The following NEGR1 variants were observed in gnomAD, a reference collection of about 807,000 sequenced individuals.
The protein encoded by NEGR1 is IgLON family member 4.
In NEGR1, 10 loss-of-function variants were observed where a neutral mutation model predicts 40.9. That is an observed-to-expected ratio of 0.24 (90% CI 0.15 to 0.42). The LOEUF is 0.42. Among genes scored for constraint, NEGR1 ranks in the 10% least tolerant of loss-of-function variants. The pLI, the probability that NEGR1 is intolerant of heterozygous loss-of-function variation, is 1.00. For synonymous variants in NEGR1, 185 were observed against 166.8 expected, an observed-to-expected ratio of 1.11 and a Z score of -0.84; for missense variants, 352 against 438.9, an observed-to-expected ratio of 0.80 and a Z score of 1.77.
intron 3 of NEGR1, among the ~76,000 whole-genome samples, chr1:71,705,739 A>T (rs1177066385): frequency 6.6e-6 from 1 of 151,928 alleles, no homozygotes; most frequent in Non-Finnish European, 1.5e-5. Context: ...AAGAAAAGAA[A>T]AGAAAGAAAA....
chr1:71,726,572 T>C (rs1204408327), intron 3 of NEGR1, among the ~76,000 whole-genome samples: 1 of 152,114 alleles, frequency 6.6e-6, no homozygotes, highest in African/African-American at 2.4e-5. Context: ...TCAAGAAGGT[T>C]CTCTCTACGT....
At chr1:71,873,113 T>C (rs1270567696) in intron 2 of NEGR1, among the ~76,000 whole-genome samples, 4 of 116,084 alleles carry the variant, frequency 3.4e-5, no homozygotes, top group African/African-American at 1.5e-4. Context: ...TCCCTAAAGA[T>C]GTAGCAAAAA....
intron 1 of NEGR1, among the ~76,000 whole-genome samples, chr1:71,961,054 T>A (rs1021817026): frequency 3.3e-5 from 5 of 152,190 alleles, no homozygotes; most frequent in African/African-American, 1.2e-4. Flanking sequence ...TTTTAACAAA[T>A]ACACTCACAG....
At chr1:71,580,360 T>C (rs189062985) in intron 6 of NEGR1, among the ~76,000 whole-genome samples, 32 of 151,636 alleles carry the variant, frequency 2.1e-4, no homozygotes, top group African/African-American at 5.8e-4. Context: ...TAATGCTAGA[T>C]GACGAGTTAG....
intron 1 of NEGR1, among the ~76,000 whole-genome samples, chr1:72,068,709 T>C (rs762921668): frequency 1.3e-5 from 2 of 152,216 alleles, no homozygotes; most frequent in Non-Finnish European, 2.9e-5. Context: ...GATTTTAATA[T>C]AATAGAGTAC....
intron 1 of NEGR1, among the ~76,000 whole-genome samples, chr1:72,046,610 C>G (rs970718602): frequency 3.3e-5 from 5 of 151,544 alleles, no homozygotes; most frequent in African/African-American, 1.2e-4. Flanking sequence ...TTATTTAAAT[C>G]TTTAGTTATT....
chr1:71,838,386 A>G lies in NEGR1; in HGVS notation c.410-62089T>C, dbSNP rs144739574. Among the ~76,000 whole-genome samples the G allele has an allele frequency of 2.2e-3, 338 of 152,268 alleles. 1 individual carries two copies. The highest frequency in any genetic ancestry group is 7.8e-3 in the African/African-American group (325 of 41,574). On this transcript the variant is annotated intron_variant, in intron 2 of 6. Coordinates refer to ENST00000357731, the MANE Select transcript of NEGR1 (RefSeq NM_173808.3). ...TTTTGGGAATTAATTATCAAATTAT[A>G]AATGATCTCTTTCTACAGAAAGATG... is the stretch of plus-strand genomic sequence containing the variant.
chr1:71,757,552 T>C (rs1013685635), intron 3 of NEGR1, among the ~76,000 whole-genome samples: 12 of 152,224 alleles, frequency 7.9e-5, no homozygotes, highest in Middle Eastern at 3.4e-3. Context: ...TCTTTTCTTT[T>C]GTTCTTAATT....
intron 2 of NEGR1, among the ~76,000 whole-genome samples, chr1:71,916,455 T>C (rs1661586766): frequency 6.6e-6 from 1 of 152,152 alleles, no homozygotes; most frequent in Non-Finnish European, 1.5e-5. Context: ...TTTAGAATCA[T>C]GAGATCAAAA....
intron 2 of NEGR1, among the ~76,000 whole-genome samples, chr1:71,830,789 A>G (rs934468824): frequency 1.3e-5 from 2 of 151,932 alleles, no homozygotes; most frequent in Non-Finnish European, 2.9e-5. Context: ...AGTTGTTATA[A>G]TTCAATCATT....
chr1:71,539,418 A>C (rs2101454788), intron 6 of NEGR1, among the ~76,000 whole-genome samples: 1 of 151,882 alleles, frequency 6.6e-6, no homozygotes, highest in Admixed American at 6.6e-5. Context: ...CCTACGAAGG[A>C]AAACATTAGC....
chr1:72,004,214 A>G (rs1207936397), intron 1 of NEGR1, among the ~76,000 whole-genome samples: 1 of 151,680 alleles, frequency 6.6e-6, no homozygotes, highest in African/African-American at 2.4e-5. Flanking sequence ...ACATGCGTAC[A>G]TATATATATA....
intron 3 of NEGR1, among the ~76,000 whole-genome samples, chr1:71,749,389 G>A (rs1251228049): frequency 1.3e-5 from 2 of 151,938 alleles, no homozygotes; most frequent in Admixed American, 6.6e-5. Flanking sequence ...GTTATTTTTC[G>A]TGAGTAAAAT....
intron 6 of NEGR1, among the ~76,000 whole-genome samples, chr1:71,588,276 T>C (rs1649375082): frequency 6.6e-6 from 1 of 152,086 alleles, no homozygotes; most frequent in African/African-American, 2.4e-5. Context: ...ATAACAAATA[T>C]CTTTGAATCC....
chr1:71,998,196 C>A (rs1160783887), intron 1 of NEGR1, among the ~76,000 whole-genome samples: 2 of 151,794 alleles, frequency 1.3e-5, no homozygotes, highest in Non-Finnish European at 2.9e-5. Context: ...TTAAATGAGG[C>A]TAATCATAAT....
At chr1:72,107,729 T>C (rs1033382528) in intron 1 of NEGR1, among the ~76,000 whole-genome samples, 1 of 151,388 alleles carries the variant, frequency 6.6e-6, no homozygotes, top group Non-Finnish European at 1.5e-5. Flanking sequence ...AGTGTATATA[T>C]GTACATATAT....
intron 1 of NEGR1, among the ~76,000 whole-genome samples, chr1:72,013,993 G>T (rs1351673834): frequency 2.1e-5 from 3 of 142,316 alleles, no homozygotes; most frequent in South Asian, 2.2e-4. Context: ...AAAAAAGGAG[G>T]TTGGGGGAGA....
chr1:71,555,331 G>A (rs907084080), intron 6 of NEGR1, among the ~76,000 whole-genome samples: 2 of 151,582 alleles, frequency 1.3e-5, no homozygotes, highest in Non-Finnish European at 3.0e-5. Flanking sequence ...AAGAAGCAAC[G>A]TGTGTTGGGA....
At chr1:71,716,087 A>G (rs12747621) in intron 3 of NEGR1, among the ~76,000 whole-genome samples, 43,440 of 151,982 alleles carry the variant, frequency 0.29, 7,819 homozygotes, top group East Asian at 0.57. Flanking sequence ...GAAATTTACA[A>G]TCATGGTGGA....
Sources: gnomAD v4.1 joint callset for allele counts (sites outside exome capture counted in the v4.1 genomes callset) on GRCh38, gnomAD v4.1.1 for gene constraint, MANE v1.5 for transcripts, NCBI Gene and HGNC (gene_info 2026-07-23, HGNC 2026-07-21) for gene names.